C8A: variants seen among roughly 807,000 people sequenced by gnomAD.
C8A encodes complement component C8 alpha chain.
In C8A, 67 loss-of-function variants were observed where a neutral mutation model predicts 65.3. The ratio of observed to expected loss-of-function variants is 1.03; its 90% CI spans 0.84 to 1.26. C8A has a LOEUF of 1.26. Ranked by LOEUF, C8A falls within the 50% of genes most tolerant of loss-of-function variation. The pLI is 0.00. For synonymous variants in C8A, 290 were observed against 259.4 expected (o/e 1.12, Z -1.13); for missense variants, 781 against 723.9 (o/e 1.08, Z -0.90).
At chr1:56,870,857 G>A (rs1644140736) in intron 2 of C8A, among the ~76,000 whole-genome samples, 2 of 151,964 alleles carry the variant, frequency 1.3e-5, no homozygotes, top group Admixed American at 1.3e-4. Context: ...TTATTAATAT[G>A]TTTCTTCTTC....
chr1:56,862,335 T>C (rs141324220), intron 1 of C8A, among the ~76,000 whole-genome samples: 1 of 151,780 alleles, frequency 6.6e-6, no homozygotes, highest in African/African-American at 2.4e-5. Flanking sequence ...GTGTTTCAAC[T>C]GTGTTACATA....
intron 7 of C8A, among the ~76,000 whole-genome samples, chr1:56,902,632 T>C (rs757745885): frequency 2.0e-5 from 3 of 152,204 alleles, no homozygotes; most frequent in Admixed American, 6.5e-5. Context: ...TGGTCATTGA[T>C]TAGTAATTCT....
intron 9 of C8A, among the ~76,000 whole-genome samples, chr1:56,908,689 A>G (rs1470188491): frequency 2.0e-5 from 3 of 152,208 alleles, no homozygotes; most frequent in African/African-American, 4.8e-5. Context: ...TCTCTCCATT[A>G]GAGGAACCTC....
At chr1:56,875,172 A>G (rs1644186432) in intron 3 of C8A, 79 bp downstream of exon 3, 2 of 1,501,022 alleles carry the variant, frequency 1.3e-6, no homozygotes, top group East Asian at 2.3e-5. Flanking sequence ...AGCTTATTAA[A>G]ATGCATACTC....
chr1:56,895,546 A>G (rs551883113), intron 7 of C8A, among the ~76,000 whole-genome samples: 1 of 152,168 alleles, frequency 6.6e-6, no homozygotes, highest in South Asian at 2.1e-4. Flanking sequence ...CCATTAGTAG[A>G]TTGTAAAAGA....
Position 56,906,660 on chromosome 1 carries a change from G to A in C8A, c.1097-7G>A. On this transcript the variant is annotated splice_region_variant and splice_polypyrimidine_tract_variant and intron_variant, in intron 7 of 10. Coordinates refer to ENST00000361249, the MANE Select transcript of C8A (RefSeq NM_000562.3). ...GCATTTTGTGTTTCTCTGTCTCCCT[G>A]TTGCAGGTATTACCAGCAGAGATAT... The A allele has an allele frequency of 1.2e-6, 2 of 1,613,834 alleles. No homozygotes were observed. The highest frequency in any genetic ancestry group is 1.7e-6 in the Non-Finnish European group (2 of 1,179,774).
chr1:56,859,698 G>T (rs1644011639), intron 1 of C8A, among the ~76,000 whole-genome samples: 1 of 152,162 alleles, frequency 6.6e-6, no homozygotes, highest in Non-Finnish European at 1.5e-5. Context: ...AAACTGAACA[G>T]ATAATGTTTC....
At chr1:56,906,209 T>C (rs1644462839) in intron 7 of C8A, among the ~76,000 whole-genome samples, 1 of 152,154 alleles carries the variant, frequency 6.6e-6, no homozygotes, top group Non-Finnish European at 1.5e-5. Flanking sequence ...AAATAGTTCA[T>C]GGAGTAAATG....
intron 6 of C8A, among the ~76,000 whole-genome samples, chr1:56,885,393 T>A (rs1420420556): frequency 8.1e-6 from 1 of 123,914 alleles, no homozygotes; most frequent in Non-Finnish European, 1.6e-5. Flanking sequence ...AATATATATT[T>A]AAATAAATAT....
intron 2 of C8A, among the ~76,000 whole-genome samples, chr1:56,870,090 C>T (rs1215486500): frequency 6.6e-6 from 1 of 152,120 alleles, no homozygotes; most frequent in East Asian, 1.9e-4. Context: ...CCTACGTGCT[C>T]ATTTTGCTCT....
Position 56,917,473 on chromosome 1 carries a change from G to T in C8A, c.1604-92G>T, listed in dbSNP as rs1437014168. On this transcript the variant is annotated intron_variant, in intron 10 of 10. Transcript: ENST00000361249. Reference sequence around the variant, plus strand: ...GGGGAGGCCAGTTCCTCTCCCAAGGGTGCCACACACCCCTCCCTGTTCATC... The same window carrying T: ...GGGGAGGCCAGTTCCTCTCCCAAGGTTGCCACACACCCCTCCCTGTTCATC... 1.2e-5 allele frequency: 16 copies of T among 1,361,952 alleles called. No homozygotes were observed. The East Asian group carries it at 3.3e-4, about 28-fold the overall frequency. 84.4% of individuals were successfully genotyped at this position (1,361,952 alleles called of 1,614,324 possible). A position where few individuals can be genotyped will look rare whatever the true frequency, so the allele number is the denominator to read the frequency against.
chr1:56,912,676 G>A, intron 10 of C8A, 51 bp downstream of exon 10: 2 of 1,565,432 alleles, frequency 1.3e-6, no homozygotes, highest in South Asian at 1.1e-5. Flanking sequence ...GCTCAAAGGG[G>A]CCAGTGCAAA....
chr1:56,891,519 G>C (rs1345545957), intron 7 of C8A, among the ~76,000 whole-genome samples: 1 of 152,136 alleles, frequency 6.6e-6, no homozygotes, highest in Non-Finnish European at 1.5e-5. Context: ...AGAGGAGCAG[G>C]AGTGGACTCA....
intron 7 of C8A, among the ~76,000 whole-genome samples, chr1:56,891,610 T>C (rs1644346141): frequency 6.6e-6 from 1 of 152,134 alleles, no homozygotes; most frequent in African/African-American, 2.4e-5. Context: ...ATTTGGGATG[T>C]ATTTTGAAAG....
Position 56,854,915 on chromosome 1 carries a change from T to C in C8A, c.14T>C (p.Val5Ala). 4 of 1,613,630 alleles carry C rather than the reference T, an allele frequency of 2.5e-6. No homozygotes were observed. Among genetic ancestry groups the C allele is most frequent in the Non-Finnish European group, 3.4e-6 (4 of 1,179,820 alleles). Residue 5 changes from valine to alanine, a missense_variant, in exon 1 of 11, where the codon GTT becomes GCT. Physicochemically the swap from Val to Ala is moderately conservative, Grantham distance 64. Transcript: ENST00000361249. MFAV[V>A]FFILSLMTCQ... ...CTTCTGGCTGAGATGTTTGCTGTTG[T>C]TTTCTTCATCTTGTCTTTGATGACT...
At chr1:56,877,291 C>A (rs1045522321) in intron 4 of C8A, among the ~76,000 whole-genome samples, 1 of 151,958 alleles carries the variant, frequency 6.6e-6, no homozygotes, top group Admixed American at 6.6e-5. Flanking sequence ...GACTAGTACA[C>A]CGAGGTACCA....
chr1:56,883,479 A>G lies in C8A; in HGVS notation c.655-2A>G, dbSNP rs760091174. ...GCTAATATCTATCCTTTTTTTTTTC[A>G]GGCCCTGGCAGATACTGGAATCTCC... On this transcript the variant is annotated splice_acceptor_variant, in intron 5 of 10. Transcript: ENST00000361249. LOFTEE classifies it high-confidence loss of function. The G allele has an allele frequency of 6.2e-7, 1 of 1,602,856 alleles. No homozygotes were observed. Among genetic ancestry groups the G allele is most frequent in the Non-Finnish European group, 8.5e-7 (1 of 1,175,276 alleles).
chr1:56,870,026 T>A (rs984558326), intron 2 of C8A, among the ~76,000 whole-genome samples: 2 of 152,142 alleles, frequency 1.3e-5, no homozygotes, highest in African/African-American at 4.8e-5. Context: ...GCCTCTCTCA[T>A]CTCTGAGAAG....
At chr1:56,880,853 T>A (rs1478213788) in intron 4 of C8A, among the ~76,000 whole-genome samples, 1 of 152,176 alleles carries the variant, frequency 6.6e-6, no homozygotes, top group African/African-American at 2.4e-5. Flanking sequence ...TACAAATGAC[T>A]AAACCGAGGC....
Sources: allele counts gnomAD v4.1 joint callset (sites outside exome capture counted in the v4.1 genomes callset), GRCh38; gene constraint gnomAD v4.1.1; transcripts MANE v1.5; gene names NCBI Gene and HGNC (gene_info 2026-07-23, HGNC 2026-07-21).